The following NDST3 variants were observed in gnomAD, a reference collection of about 807,000 sequenced individuals.
The protein encoded by NDST3 is bifunctional heparan sulfate N-deacetylase/N-sulfotransferase 3.
A neutral mutation model predicts 96.1 loss-of-function variants in NDST3; 58 were observed. The observed-to-expected ratio is 0.60, with a 90% CI of 0.49 to 0.75. The LOEUF is 0.75. Ranked by LOEUF, NDST3 falls within the 30% of genes least tolerant of loss-of-function variation. The pLI, the probability that NDST3 is intolerant of heterozygous loss-of-function variation, is 0.00. For missense variants in NDST3, 788 were observed against 1,034.2 expected, an observed-to-expected ratio of 0.76 and a Z score of 3.27; for synonymous variants, 333 against 359.7, an observed-to-expected ratio of 0.93 and a Z score of 0.84.
chr4:118,087,676 G>T (rs932226545), intron 2 of NDST3, among the ~76,000 whole-genome samples: 1 of 152,110 alleles, frequency 6.6e-6, no homozygotes, highest in Admixed American at 6.6e-5. Context: ...GAGAGGATGA[G>T]AATGTGTGTC....
At chr4:118,254,031 A>C (rs1236767971) in intron 13 of NDST3, among the ~76,000 whole-genome samples, 1 of 152,136 alleles carries the variant, frequency 6.6e-6, no homozygotes, top group Admixed American at 6.5e-5. Context: ...ACTTGAGGTC[A>C]GGAGTTCGAG....
chr4:118,038,605 A>G (rs1724277880), intron 1 of NDST3, among the ~76,000 whole-genome samples: 1 of 152,224 alleles, frequency 6.6e-6, no homozygotes, highest in South Asian at 2.1e-4. Flanking sequence ...TCCCAAAGAA[A>G]AGCTTGCCCT....
intron 1 of NDST3, among the ~76,000 whole-genome samples, chr4:118,047,526 T>C (rs528950057): frequency 6.6e-6 from 1 of 152,304 alleles, no homozygotes; most frequent in South Asian, 2.1e-4. Context: ...AGAGATGAAA[T>C]ATGAAATATC....
chr4:118,133,954 T>C (rs937298687), intron 4 of NDST3, among the ~76,000 whole-genome samples: 1 of 152,176 alleles, frequency 6.6e-6, no homozygotes, highest in African/African-American at 2.4e-5. Flanking sequence ...AGATATTACA[T>C]AAATGTCTTT....
At chr4:118,082,598 A>G (rs930179746) in intron 2 of NDST3, among the ~76,000 whole-genome samples, 20 of 152,162 alleles carry the variant, frequency 1.3e-4, no homozygotes, top group African/African-American at 4.6e-4. Flanking sequence ...AAAATAAACA[A>G]AATTGTTCTT....
At chr4:118,125,306 C>A (rs1206311741) in intron 4 of NDST3, among the ~76,000 whole-genome samples, 3 of 152,152 alleles carry the variant, frequency 2.0e-5, no homozygotes, top group East Asian at 1.9e-4. Flanking sequence ...CAGACAAATT[C>A]TTTATTAATA....
chr4:118,143,667 A>C lies in NDST3; in HGVS notation c.1522A>C (p.Thr508Pro). Reference sequence around the variant, plus strand: ...TATCCAAGGAGGAGAACTTTTCTTCACTGTCGTCCTCAACCCTGTAAGTAC... The same window carrying C: ...TATCCAAGGAGGAGAACTTTTCTTCCCTGTCGTCCTCAACCCTGTAAGTAC... ...KSIQGGELFF[T>P]VVLNPISIFM... Residue 508 changes from threonine to proline, a missense_variant, in exon 6 of 14, where the codon ACT (threonine) becomes CCT (proline). Physicochemically the swap from Thr to Pro is conservative, Grantham distance 38 (BLOSUM62 -1). Around this residue, in one of 3 missense-constraint regions of NDST3, gnomAD observed 490 missense variants for 708.8 expected, o/e 0.69. Coordinates refer to ENST00000296499, the MANE Select transcript of NDST3 (RefSeq NM_004784.3). 1 of 1,602,304 alleles carries C rather than the reference A, an allele frequency of 6.2e-7. No homozygotes were observed. The highest frequency in any genetic ancestry group is 8.5e-7 in the Non-Finnish European group (1 of 1,176,634).
Position 118,053,794 on chromosome 4 carries a change from G to A in NDST3, c.-117G>A. 1.9e-6 allele frequency: 2 copies of A among 1,073,958 alleles called. No homozygotes were observed. Among genetic ancestry groups the A allele is most frequent in the Non-Finnish European group, 2.7e-6 (2 of 753,154 alleles). The allele number at this position is 1,073,958 out of a possible 1,614,324, so 66.5% of individuals were successfully genotyped here. ...TGAGTCCTGATCAAGTGATACAAAT[G>A]AGCTGCAATGGTGACATAAACTCTT... is the stretch of plus-strand genomic sequence containing the variant. On this transcript the variant is annotated 5_prime_UTR_variant, in exon 2 of 14. It removes an upstream start codon present in the reference 5' UTR. Transcript: ENST00000296499.
At chr4:118,191,694 G>C (rs534448365) in intron 6 of NDST3, among the ~76,000 whole-genome samples, 32 of 152,246 alleles carry the variant, frequency 2.1e-4, no homozygotes, top group African/African-American at 7.7e-4. Flanking sequence ...ATCCCCTCAA[G>C]CATTTGTGTA....
chr4:118,048,493 T>C (rs1724894149), intron 1 of NDST3, among the ~76,000 whole-genome samples: 1 of 152,110 alleles, frequency 6.6e-6, no homozygotes. Flanking sequence ...ATTTCACATG[T>C]AATGGTACCC....
intron 6 of NDST3, among the ~76,000 whole-genome samples, chr4:118,192,004 T>C (rs1737337877): frequency 6.6e-6 from 1 of 152,248 alleles, no homozygotes; most frequent in African/African-American, 2.4e-5. Flanking sequence ...AATATCTCAC[T>C]GTAGTTTTGA....
At chr4:118,254,830 T>C (rs929377005) in intron 13 of NDST3, among the ~76,000 whole-genome samples, 3 of 152,136 alleles carry the variant, frequency 2.0e-5, no homozygotes, top group African/African-American at 2.4e-5. Context: ...CCTTGCCTGA[T>C]AGATGCAGGG....
At chr4:118,083,804 T>C (rs536895660) in intron 2 of NDST3, among the ~76,000 whole-genome samples, 2 of 152,282 alleles carry the variant, frequency 1.3e-5, no homozygotes, top group Admixed American at 6.5e-5. Flanking sequence ...GTCACACCAT[T>C]TGTAATGGAA....
At chr4:118,160,084 G>A (rs1259272309) in intron 6 of NDST3, among the ~76,000 whole-genome samples, 1 of 151,984 alleles carries the variant, frequency 6.6e-6, no homozygotes, top group African/African-American at 2.4e-5. Context: ...CTCCAACTAG[G>A]AAGAACTCAA....
intron 7 of NDST3, among the ~76,000 whole-genome samples, chr4:118,226,185 T>C (rs1188306456): frequency 2.0e-5 from 3 of 152,136 alleles, no homozygotes; most frequent in Non-Finnish European, 2.9e-5. Flanking sequence ...CTTCCTCCTT[T>C]TCTACATAAT....
chr4:118,166,164 G>A (rs1230214745), intron 6 of NDST3, among the ~76,000 whole-genome samples: 1 of 151,440 alleles, frequency 6.6e-6, no homozygotes, highest in South Asian at 2.1e-4. Flanking sequence ...CAAACCTTTA[G>A]TTACTAACAA....
intron 2 of NDST3, among the ~76,000 whole-genome samples, chr4:118,063,469 G>A (rs1465372042): frequency 2.0e-5 from 3 of 152,116 alleles, no homozygotes; most frequent in Non-Finnish European, 2.9e-5. Context: ...AAACCTTGGA[G>A]AAAATTGTAC....
chr4:118,222,481 A>G (rs1400329159), intron 6 of NDST3, among the ~76,000 whole-genome samples: 1 of 152,000 alleles, frequency 6.6e-6, no homozygotes, highest in East Asian at 1.9e-4. Flanking sequence ...GGCACAAAAC[A>G]AATCTCAGGC....
At chr4:118,115,472 G>A (rs1194387634) in intron 4 of NDST3, among the ~76,000 whole-genome samples, 1 of 152,160 alleles carries the variant, frequency 6.6e-6, no homozygotes, top group African/African-American at 2.4e-5. Flanking sequence ...GAAATGAAAT[G>A]AGGCTGAGGG....
Sources: gnomAD v4.1 joint callset for allele counts (sites outside exome capture counted in the v4.1 genomes callset) on GRCh38, gnomAD v4.1.1 for gene constraint, gnomAD v4.1.1 regional missense constraint, MANE v1.5 for transcripts, NCBI Gene and HGNC (gene_info 2026-07-23, HGNC 2026-07-21) for gene names.